Variants in DENND4A observed in about 807,000 individuals in gnomAD.
DENND4A encodes C-myc promoter-binding protein.
Under a neutral mutation model 199.3 loss-of-function variants are expected in DENND4A, and 70 were observed. That is an observed-to-expected ratio of 0.35 (90% CI 0.29 to 0.43). The LOEUF is 0.43. Ranked by LOEUF, DENND4A falls within the 20% of genes least tolerant of loss-of-function variation. The pLI is 1.00. For synonymous variants in DENND4A, 686 were observed against 766.9 expected (o/e 0.89, Z 1.74); for missense variants, 1,723 against 2,255.8 (o/e 0.76, Z 4.78).
intron 4 of DENND4A, among the ~76,000 whole-genome samples, chr15:65,747,274 T>C (rs2076428551): frequency 6.6e-6 from 1 of 152,186 alleles, no homozygotes; most frequent in South Asian, 2.1e-4. Context: ...TAAGTTCTCA[T>C]CCAGCTCTAA....
chr15:65,660,258 ACTCT>A lies in DENND4A; in HGVS notation c.*1589_*1592del, dbSNP rs756941614. On this transcript the variant is annotated 3_prime_UTR_variant, in exon 33 of 33. Transcript: ENST00000443035. ...ACTAACTGAAGTTTTACATTTTTAA[ACTCT>A]CTCCATTATTTCCCAGAGTTGGAAG... 5 of 1,531,204 alleles carry A rather than the reference ACTCT, an allele frequency of 3.3e-6. No homozygotes were observed. In the South Asian group the frequency reaches 6.0e-5, roughly 18 times the overall value. The allele number at this position is 1,531,204 out of a possible 1,614,324, so 94.9% of individuals were successfully genotyped here.
At chr15:65,721,096 A>G (rs1324995708) in intron 12 of DENND4A, among the ~76,000 whole-genome samples, 7 of 150,254 alleles carry the variant, frequency 4.7e-5, no homozygotes. Flanking sequence ...TACAGGCCTG[A>G]GCCACCCTGC....
intron 27 of DENND4A, among the ~76,000 whole-genome samples, chr15:65,668,894 A>T (rs1410385037): frequency 6.6e-6 from 1 of 152,078 alleles, no homozygotes; most frequent in Non-Finnish European, 1.5e-5. Context: ...TTCAGCTGGG[A>T]AACAGGATAT....
At chr15:65,675,619 A>C (rs2076349959) in intron 24 of DENND4A, among the ~76,000 whole-genome samples, 1 of 152,182 alleles carries the variant, frequency 6.6e-6, no homozygotes, top group Non-Finnish European at 1.5e-5. Context: ...CCACAGAAGA[A>C]GAAATGCAAA....
chr15:65,725,402 C>T (rs976364617), intron 11 of DENND4A, among the ~76,000 whole-genome samples: 10 of 152,088 alleles, frequency 6.6e-5, no homozygotes, highest in Non-Finnish European at 1.0e-4. Context: ...CTCGGCTGGG[C>T]GCGGTGGCTC....
Position 65,771,638 on chromosome 15 carries a change from T to C in DENND4A, c.-101-10200A>G. On this transcript the variant is annotated intron_variant, in intron 1 of 32. Coordinates refer to ENST00000443035, the MANE Select transcript of DENND4A (RefSeq NM_001320835.1). Reference sequence around the variant, plus strand: ...ATGTCAATGCTGATGTTGTTGGCTATAACCAGCTCTTCCATTTGAAAAAGA... The same window carrying C: ...ATGTCAATGCTGATGTTGTTGGCTACAACCAGCTCTTCCATTTGAAAAAGA... 3 of 1,612,250 alleles carry C rather than the reference T, an allele frequency of 1.9e-6. No individual in the cohort carries two copies. In the South Asian group the frequency reaches 3.3e-5, roughly 18 times the overall value.
intron 1 of DENND4A, among the ~76,000 whole-genome samples, chr15:65,788,722 G>A (rs1296608238): frequency 6.6e-6 from 1 of 151,942 alleles, no homozygotes; most frequent in Non-Finnish European, 1.5e-5. Context: ...AAGCACAGTG[G>A]TGCACACCTG....
chr15:65,671,885 T>A lies in DENND4A; in HGVS notation c.4371A>T (p.Gly1457=). The A allele has an allele frequency of 6.3e-7, 1 of 1,581,792 alleles. No homozygotes were observed. The highest frequency in any genetic ancestry group is 1.1e-5 in the South Asian group (1 of 90,448). Reference sequence around the variant, plus strand: ...CAGGTAAGGCAAACTTCGACAGAGATCCTGTTCATTAGTGAAAAACAAAGA... The same window carrying A: ...CAGGTAAGGCAAACTTCGACAGAGAACCTGTTCATTAGTGAAAAACAAAGA... The part of the protein sequence containing the change: ...ISLESSASLE[G]SLSKFALPGK... The change falls in exon 25 of 33, where the codon GGA becomes GGT. Residue 1457 remains glycine, a splice_region_variant and synonymous_variant. Transcript: ENST00000443035.
chr15:65,787,346 C>T (rs904971848), intron 1 of DENND4A, among the ~76,000 whole-genome samples: 1 of 152,108 alleles, frequency 6.6e-6, no homozygotes, highest in Non-Finnish European at 1.5e-5. Flanking sequence ...ATATCAGAAA[C>T]AGTATCTCTC....
Position 65,736,335 on chromosome 15 carries a change from T to G in DENND4A, c.1040+1372A>C, listed in dbSNP as rs547881672. Among the ~76,000 whole-genome samples the G allele has an allele frequency of 2.6e-5, 4 of 152,242 alleles. 1 individual carries two copies. In the South Asian group the frequency reaches 8.3e-4, roughly 32 times the overall value. The stretch of plus-strand genomic sequence containing the variant: ...GTGCAGTGGCATGATCTTGGCTCAC[T>G]GCAACCTCCGCCTCCCAGGTTTAAG... On this transcript the variant is annotated intron_variant, in intron 7 of 32. Coordinates refer to ENST00000443035, the MANE Select transcript of DENND4A (RefSeq NM_001320835.1).
intron 4 of DENND4A, among the ~76,000 whole-genome samples, chr15:65,744,235 A>C (rs948707431): frequency 7.2e-5 from 11 of 152,332 alleles, no homozygotes; most frequent in African/African-American, 2.6e-4. Context: ...ATGCCTGAGT[A>C]ACAGGAAGGA....
intron 3 of DENND4A, among the ~76,000 whole-genome samples, chr15:65,753,685 C>T (rs2076624961): frequency 6.6e-6 from 1 of 151,820 alleles, no homozygotes; most frequent in African/African-American, 2.4e-5. Flanking sequence ...TCTGCATTTG[C>T]TATAAAGCTA....
intron 14 of DENND4A, among the ~76,000 whole-genome samples, chr15:65,713,698 T>G (rs2075310738): frequency 6.6e-6 from 1 of 152,230 alleles, no homozygotes; most frequent in African/African-American, 2.4e-5. Context: ...TCAAATTGAC[T>G]TCTGTGTGTG....
At chr15:65,672,686 A>G (rs2076251085) in intron 24 of DENND4A, among the ~76,000 whole-genome samples, 1 of 152,142 alleles carries the variant, frequency 6.6e-6, no homozygotes, top group Non-Finnish European at 1.5e-5. Context: ...TTATATTATT[A>G]AGAACAATAG....
In DENND4A at chr15:65,709,719, A is replaced by AAAAAATATATATAT. The variant is rs1218030026; in HGVS notation, c.1954-3496_1954-3495insATATATATATTTTT. Among the ~76,000 whole-genome samples the AAAAAATATATATAT allele has an allele frequency of 6.7e-3, 344 of 51,334 alleles. 9 individuals are homozygous for AAAAAATATATATAT. The highest frequency in any genetic ancestry group is 0.029 in the East Asian group (15 of 512). 33.7% of individuals were successfully genotyped at this position (51,334 alleles called of 152,430 possible). On this transcript the variant is annotated intron_variant, in intron 14 of 32. Coordinates refer to ENST00000443035, the MANE Select transcript of DENND4A (RefSeq NM_001320835.1). ...TCAAAAAAAAAAAAAAAAAAAAAAAAATATATATATATATATATATATAAT... is the reference window on the plus strand; with the variant it reads ...TCAAAAAAAAAAAAAAAAAAAAAAAAAAAAATATATATATATATATATATATATATATATATAAT...
In DENND4A at chr15:65,731,692, T is replaced by C; in HGVS notation, c.1116A>G (p.Pro372=). Residue 372 remains proline (P), a synonymous_variant, in exon 9 of 33, where the codon CCA becomes CCG. Transcript: ENST00000443035. The part of the protein sequence containing the change: ...QRPRILVQLS[P]HDNLILSQPV... ...GCTGACTGAGAATCAGATTATCATG[T>C]GGTGATAACTGGAAGAAGATTTAAA... 1 of 1,553,276 alleles carries C rather than the reference T, an allele frequency of 6.4e-7. No individual in the cohort carries two copies. Among genetic ancestry groups the C allele is most frequent in the East Asian group, 2.4e-5 (1 of 41,722 alleles).
intron 24 of DENND4A, among the ~76,000 whole-genome samples, 175 bp downstream of exon 24, chr15:65,676,270 G>A (rs1020361867): frequency 6.6e-6 from 1 of 151,488 alleles, no homozygotes; most frequent in Non-Finnish European, 1.5e-5. Flanking sequence ...AGGGAGTGGG[G>A]ATGAAAGTTA....
Position 65,752,447 on chromosome 15 carries a change from T to C in DENND4A, c.493A>G (p.Ile165Val). 6.2e-7 allele frequency: 1 copy of C among 1,613,758 alleles called. No homozygotes were observed. Among genetic ancestry groups the C allele is most frequent in the Non-Finnish European group, 8.5e-7 (1 of 1,179,788 alleles). Residue 165 changes from isoleucine (I) to valine (V), a missense_variant, in exon 4 of 33, where the codon ATA becomes GTA. Transcript: ENST00000443035. Reference protein sequence around the residue: ...TLAVTDICIIIPSKGESPPHT... With the variant: ...TLAVTDICIIVPSKGESPPHT... ...GGTGGGCTTTCTCCTTTACTGGGTA[T>C]AATAATACATATGTCAGTGACAGCC...
At chr15:65,734,535 TTGTCTC>T (rs985667516) in intron 7 of DENND4A, among the ~76,000 whole-genome samples, 88 of 152,246 alleles carry the variant, frequency 5.8e-4, no homozygotes, top group African/African-American at 2.1e-3. Flanking sequence ...TCTCTATACT[TTGTCTC>T]TGTGTTTTTT....
Sources: gnomAD v4.1 joint callset for allele counts (sites outside exome capture counted in the v4.1 genomes callset) on GRCh38, gnomAD v4.1.1 for gene constraint, MANE v1.5 for transcripts, NCBI Gene and HGNC (gene_info 2026-07-23, HGNC 2026-07-21) for gene names.